Variants in HDAC9 observed in about 807,000 individuals in gnomAD.
The protein encoded by HDAC9 is MEF-2 interacting transcription repressor (MITR) protein.
In HDAC9, 41 loss-of-function variants were observed where a neutral mutation model predicts 139.4. That is an observed-to-expected ratio of 0.29 (90% CI 0.23 to 0.38). The LOEUF (loss-of-function observed/expected upper bound fraction) is 0.38, where lower values mean the gene tolerates loss of function less well. HDAC9 is among the 10% of genes least tolerant of loss of function. The pLI, the probability that HDAC9 is intolerant of heterozygous loss-of-function variation, is 1.00. For synonymous variants in HDAC9, 517 were observed against 476.2 expected (o/e 1.09, Z -1.12); for missense variants, 1,147 against 1,297.0 (o/e 0.88, Z 1.78).
chr7:18,549,972 G>C (rs553586194), intron 2 of HDAC9, among the ~76,000 whole-genome samples: 1 of 149,972 alleles, frequency 6.7e-6, no homozygotes. Context: ...TACTGAGATA[G>C]CTTACTTTTC....
At chr7:18,975,719 A>G in intron 24 of HDAC9, 87 bp from the exon 25 acceptor site, 1 of 1,285,214 alleles carries the variant, frequency 7.8e-7, no homozygotes. Context: ...TAACTTAACA[A>G]CTGCTCTGAG....
chr7:18,099,949 C>G (rs550007048), intron 1 of HDAC9, among the ~76,000 whole-genome samples: 35 of 152,206 alleles, frequency 2.3e-4, no homozygotes, highest in African/African-American at 8.4e-4. Context: ...TGTCTATATC[C>G]AGATTTTCCT....
At chr7:18,940,069 G>A (rs1781919769) in intron 23 of HDAC9, among the ~76,000 whole-genome samples, 1 of 152,084 alleles carries the variant, frequency 6.6e-6, no homozygotes, top group African/African-American at 2.4e-5. Context: ...TGTCAATACA[G>A]CAAAATTTTG....
At chr7:18,335,999 A>G (rs1781556128) in intron 1 of HDAC9, among the ~76,000 whole-genome samples, 4 of 151,660 alleles carry the variant, frequency 2.6e-5, no homozygotes, top group African/African-American at 7.3e-5. Context: ...TGTAAATGAT[A>G]TAATTATAAA....
chr7:18,945,193 A>C (rs1352815274), intron 23 of HDAC9, among the ~76,000 whole-genome samples: 1 of 152,202 alleles, frequency 6.6e-6, no homozygotes, highest in Non-Finnish European at 1.5e-5. Flanking sequence ...CTAATACTCC[A>C]TATTGTCAGT....
chr7:18,315,762 C>T (rs749127365), intron 1 of HDAC9, among the ~76,000 whole-genome samples: 8 of 152,156 alleles, frequency 5.3e-5, no homozygotes, highest in Non-Finnish European at 1.2e-4. Context: ...ATTTCCTCTA[C>T]CTGCTCAGTC....
At chr7:18,473,238 G>C (rs1224033763) in intron 1 of HDAC9, among the ~76,000 whole-genome samples, 1 of 152,168 alleles carries the variant, frequency 6.6e-6, no homozygotes, top group East Asian at 1.9e-4. Flanking sequence ...ATCTGTATCA[G>C]CATGTTTGTA....
chr7:18,413,737 A>G (rs1329604994), intron 1 of HDAC9, among the ~76,000 whole-genome samples: 8 of 152,166 alleles, frequency 5.3e-5, no homozygotes, highest in African/African-American at 1.7e-4. Context: ...TATTCTGTAT[A>G]CTGTACTTAG....
intron 1 of HDAC9, among the ~76,000 whole-genome samples, chr7:18,157,859 AT>A (rs1787338820): frequency 8.1e-6 from 1 of 123,270 alleles, no homozygotes; most frequent in Non-Finnish European, 1.7e-5. Context: ...GAGACTGAGG[AT>A]CTGATGAATC....
At chr7:18,801,914 A>G (rs1793328075) in intron 17 of HDAC9, among the ~76,000 whole-genome samples, 1 of 151,966 alleles carries the variant, frequency 6.6e-6, no homozygotes, top group Non-Finnish European at 1.5e-5. Flanking sequence ...AGCTTTAGCA[A>G]TATATCTTTT....
intron 10 of HDAC9, 37 bp downstream of exon 10, chr7:18,648,035 G>A: frequency 5.4e-6 from 8 of 1,479,068 alleles, no homozygotes; most frequent in East Asian, 2.4e-5. Context: ...GTCATTTTAG[G>A]GTTTTATTTT....
intron 22 of HDAC9, among the ~76,000 whole-genome samples, chr7:18,907,510 A>G (rs1421642378): frequency 6.6e-6 from 1 of 152,228 alleles, no homozygotes; most frequent in Non-Finnish European, 1.5e-5. Flanking sequence ...CTAGTGTAAG[A>G]ATTCCCTGCA....
At chr7:18,155,788 C>G (rs890704556) in intron 1 of HDAC9, among the ~76,000 whole-genome samples, 1 of 152,062 alleles carries the variant, frequency 6.6e-6, no homozygotes, top group African/African-American at 2.4e-5. Context: ...GGGAGTGAAA[C>G]CAATAGTCTT....
intron 21 of HDAC9, among the ~76,000 whole-genome samples, chr7:18,856,998 C>T (rs960132851): frequency 2.6e-5 from 4 of 152,102 alleles, no homozygotes; most frequent in East Asian, 1.9e-4. Flanking sequence ...CTTCTCCTAC[C>T]TCTCAGCTTT....
intron 7 of HDAC9, among the ~76,000 whole-genome samples, chr7:18,630,562 A>G (rs773201156): frequency 6.6e-6 from 1 of 152,112 alleles, no homozygotes; most frequent in Non-Finnish European, 1.5e-5. Context: ...TTCAATCTGG[A>G]CAACTTTATA....
In HDAC9 at chr7:18,996,071, G is replaced by A. The variant is rs1326027893; in HGVS notation, c.*9G>A. 8 of 1,598,974 alleles carry A rather than the reference G, an allele frequency of 5.0e-6. No homozygotes were observed. Among genetic ancestry groups the A allele is most frequent in the Non-Finnish European group, 6.8e-6 (8 of 1,171,162 alleles). On this transcript the variant is annotated 3_prime_UTR_variant, in exon 26 of 26. Transcript: ENST00000686413. ...AGGAGCCAGCCTTGTGAAGTGCCAA[G>A]TCCCCCTCTGATATTTCCTGTGTGT...
chr7:18,255,913 C>T (rs1285363246), intron 2 of HDAC9, among the ~76,000 whole-genome samples: 1 of 152,072 alleles, frequency 6.6e-6, no homozygotes, highest in East Asian at 1.9e-4. Flanking sequence ...AGGTGTGAGC[C>T]ACCATGCCTG....
chr7:18,305,401 A>G (rs1402581499), intron 1 of HDAC9, among the ~76,000 whole-genome samples: 1 of 152,200 alleles, frequency 6.6e-6, no homozygotes, highest in Non-Finnish European at 1.5e-5. Flanking sequence ...AAATATTGTT[A>G]GTTTCCCCAC....
At chr7:18,223,285 T>G (rs1385033853) in intron 2 of HDAC9, among the ~76,000 whole-genome samples, 2 of 152,172 alleles carry the variant, frequency 1.3e-5, no homozygotes, top group African/African-American at 2.4e-5. Flanking sequence ...ATGATGATAT[T>G]TGTTGCACAA....
Sources: gnomAD v4.1 joint callset for allele counts (sites outside exome capture counted in the v4.1 genomes callset) on GRCh38, gnomAD v4.1.1 for gene constraint, MANE v1.5 for transcripts, NCBI Gene and HGNC (gene_info 2026-07-23, HGNC 2026-07-21) for gene names.